ARHGAP12: variants seen among roughly 807,000 people sequenced by gnomAD.
The protein encoded by ARHGAP12 is rho GTPase-activating protein 12.
ARHGAP12 carries 64 observed loss-of-function variants against 108.6 expected under a neutral mutation model. That is an observed-to-expected ratio of 0.59 (90% confidence interval 0.48 to 0.73). The LOEUF (loss-of-function observed/expected upper bound fraction) is 0.73, where lower values mean the gene tolerates loss of function less well. Among genes scored for constraint, ARHGAP12 ranks in the 30% least tolerant of loss-of-function variants. ARHGAP12 has a pLI of 0.00. For synonymous variants in ARHGAP12, 312 were observed against 337.2 expected, an observed-to-expected ratio of 0.93 and a Z score of 0.82; for missense variants, 940 against 1,005.9, an observed-to-expected ratio of 0.93 and a Z score of 0.89.
intron 3 of ARHGAP12, among the ~76,000 whole-genome samples, chr10:31,880,449 A>AAAAC (rs1213012831): frequency 6.6e-6 from 1 of 151,610 alleles, no homozygotes; most frequent in South Asian, 2.1e-4. Context: ...TCTCTATAGA[A>AAAAC]AAACAAACAA....
chr10:31,836,038 A>G (rs1469929949), intron 9 of ARHGAP12, among the ~76,000 whole-genome samples: 2 of 152,232 alleles, frequency 1.3e-5, no homozygotes, highest in Non-Finnish European at 2.9e-5. Context: ...TAAAATTTTT[A>G]AAGAGTCAAT....
chr10:31,868,045 CA>C (rs1431865748), intron 3 of ARHGAP12, among the ~76,000 whole-genome samples: 1 of 151,902 alleles, frequency 6.6e-6, no homozygotes, highest in Non-Finnish European at 1.5e-5. Context: ...ACTAAAAATA[CA>C]AAAATTAGCT....
Position 31,843,489 on chromosome 10 carries a change from C to T in ARHGAP12, c.1268G>A (p.Ser423Asn), listed in dbSNP as rs1282426221. ...EPIVLTKWRH[S>N]TIVLDTNDKE... Reference sequence around the variant, plus strand: ...ATCATTAGTGTCCAATACAATGGTGCTATGTCTCCACTTTGTTAATACTAT... The same window carrying T: ...ATCATTAGTGTCCAATACAATGGTGTTATGTCTCCACTTTGTTAATACTAT... The change falls in exon 7 of 20, where the codon AGC becomes AAC. Residue 423 changes from serine (S) to asparagine (N), a missense_variant. Physicochemically the swap from Ser to Asn is conservative, Grantham distance 46. Transcript: ENST00000344936. 1 of 1,612,926 alleles carries T rather than the reference C, an allele frequency of 6.2e-7. No individual in the cohort carries two copies. Among genetic ancestry groups the T allele is most frequent in the Non-Finnish European group, 8.5e-7 (1 of 1,179,540 alleles).
intron 3 of ARHGAP12, among the ~76,000 whole-genome samples, chr10:31,907,948 G>A (rs1262642716): frequency 6.6e-6 from 1 of 152,142 alleles, no homozygotes; most frequent in Non-Finnish European, 1.5e-5. Flanking sequence ...AGTAGATCTA[G>A]TCCTGTCATG....
chr10:31,852,728 T>A (rs1295514767), intron 5 of ARHGAP12, 131 bp from the exon 6 acceptor site: 1 of 323,382 alleles, frequency 3.1e-6, no homozygotes, highest in Non-Finnish European at 5.3e-6. Flanking sequence ...AACAAAAAAT[T>A]CTTTTTTTTT....
At chr10:31,816,168 C>CGTGTGTGTGT (rs201754040) in intron 13 of ARHGAP12, among the ~76,000 whole-genome samples, 11,284 of 136,222 alleles carry the variant, frequency 0.083, 504 homozygotes, top group East Asian at 0.16. Context: ...AAGAAAGAAA[C>CGTGTGTGTGT]GTGTGTGTGT....
At chr10:31,816,402 T>C (rs995943277) in intron 13 of ARHGAP12, among the ~76,000 whole-genome samples, 3 of 152,206 alleles carry the variant, frequency 2.0e-5, no homozygotes, top group African/African-American at 7.2e-5. Context: ...TTTCATTTTA[T>C]TAACTGTTAT....
intron 3 of ARHGAP12, among the ~76,000 whole-genome samples, chr10:31,903,318 T>C (rs1181823306): frequency 6.6e-6 from 1 of 152,114 alleles, no homozygotes; most frequent in Non-Finnish European, 1.5e-5. Context: ...AACATAGAAA[T>C]GAACAGTAAG....
chr10:31,899,304 A>G (rs367734780), intron 3 of ARHGAP12, among the ~76,000 whole-genome samples: 3 of 152,382 alleles, frequency 2.0e-5, no homozygotes, highest in South Asian at 2.1e-4. Context: ...TAAGATGTCA[A>G]TTCTTTCCAG....
chr10:31,870,003 T>C (rs1392068535), intron 3 of ARHGAP12, among the ~76,000 whole-genome samples: 1 of 152,204 alleles, frequency 6.6e-6, no homozygotes, highest in Non-Finnish European at 1.5e-5. Context: ...TACAGAATTA[T>C]ATTTATATTG....
intron 8 of ARHGAP12, 106 bp from the exon 9 acceptor site, chr10:31,839,425 T>C: frequency 4.8e-6 from 6 of 1,252,758 alleles, no homozygotes; most frequent in Non-Finnish European, 6.6e-6. Flanking sequence ...TGGTATATAA[T>C]TTAATCATGT....
chr10:31,871,005 T>C (rs1232805310), intron 3 of ARHGAP12, among the ~76,000 whole-genome samples: 1 of 152,162 alleles, frequency 6.6e-6, no homozygotes, highest in African/African-American at 2.4e-5. Flanking sequence ...AAAACTACTC[T>C]AATGACACAG....
At position 31,841,124 on chromosome 10, in the gene ARHGAP12, C is replaced by T. The variant is rs565711911; in HGVS notation, c.1297-1413G>A. Among the ~76,000 whole-genome samples, 14 of 152,066 alleles carry T rather than the reference C, an allele frequency of 9.2e-5. 1 individual carries two copies. The highest frequency in any genetic ancestry group is 3.4e-4 in the African/African-American group (14 of 41,516). On this transcript the variant is annotated intron_variant, in intron 7 of 19. Transcript: ENST00000344936. ...CACAAATACAGTAATAACATATGTA[C>T]AATTATAACTATTATAAACAAGAAA...
At chr10:31,890,313 T>C (rs1264392329) in intron 3 of ARHGAP12, among the ~76,000 whole-genome samples, 1 of 152,220 alleles carries the variant, frequency 6.6e-6, no homozygotes, top group East Asian at 1.9e-4. Flanking sequence ...AGACAAATAA[T>C]TCCAACCTAC....
intron 19 of ARHGAP12, among the ~76,000 whole-genome samples, chr10:31,808,219 T>TTA (rs1554772745): frequency 1.9e-4 from 28 of 146,458 alleles, no homozygotes; most frequent in South Asian, 1.5e-3. Context: ...GTAATTTCTT[T>TTA]AAAAAAAAAA....
chr10:31,919,561 G>C lies in ARHGAP12; in HGVS notation c.-110-8998C>G, dbSNP rs545297858. ...TAATCCCAGCACTTTGGGAGGCTGA[G>C]GTGGGCGGATCACAAGGTCAGGAGA... On this transcript the variant is annotated intron_variant, in intron 1 of 19. Coordinates refer to ENST00000344936, the MANE Select transcript of ARHGAP12 (RefSeq NM_018287.7). Among the ~76,000 whole-genome samples, 9 of 152,102 alleles carry C rather than the reference G, an allele frequency of 5.9e-5. No individual in the cohort carries two copies. In the South Asian group the frequency reaches 1.9e-3, roughly 32 times the overall value.
chr10:31,806,372 T>C lies in ARHGAP12; in HGVS notation c.*1286A>G, dbSNP rs1006406519. ...GAAGTTAATCTAGAAAAATACATTT[T>C]AAAAATCTTCAACAGACCATGCTCC... is the stretch of plus-strand genomic sequence containing the variant. On this transcript the variant is annotated 3_prime_UTR_variant, in exon 20 of 20. Transcript: ENST00000344936. 3 of 152,624 alleles carry C rather than the reference T, an allele frequency of 2.0e-5. No individual in the cohort carries two copies. Among genetic ancestry groups the C allele is most frequent in the Admixed American group, 6.5e-5 (1 of 15,282 alleles). The allele number at this position is 152,624 out of a possible 1,614,324, so 9.5% of individuals were successfully genotyped here.
At chr10:31,879,166 T>C (rs750291531) in intron 3 of ARHGAP12, among the ~76,000 whole-genome samples, 3 of 152,228 alleles carry the variant, frequency 2.0e-5, no homozygotes, top group African/African-American at 4.8e-5. Flanking sequence ...ATCCCAGCAG[T>C]TGGGGAGGCC....
intron 13 of ARHGAP12, among the ~76,000 whole-genome samples, chr10:31,816,205 G>A (rs1835200105): frequency 6.7e-6 from 1 of 150,226 alleles, no homozygotes; most frequent in African/African-American, 2.4e-5. Context: ...GTGTGTGTGT[G>A]TGTGTAAAAT....
Sources: gnomAD v4.1 joint callset for allele counts (sites outside exome capture counted in the v4.1 genomes callset) on GRCh38, gnomAD v4.1.1 for gene constraint, MANE v1.5 for transcripts, NCBI Gene and HGNC (gene_info 2026-07-23, HGNC 2026-07-21) for gene names.